Variants in GLIS1 observed in about 807,000 individuals in gnomAD.
GLIS1 encodes the protein zinc finger protein GLIS1.
A neutral mutation model predicts 63.8 loss-of-function variants in GLIS1; 24 were observed. The ratio of observed to expected loss-of-function variants is 0.38; its 90% confidence interval spans 0.27 to 0.53. GLIS1 has a LOEUF of 0.53. Ranked by LOEUF, GLIS1 falls within the 20% of genes least tolerant of loss-of-function variation. The probability of loss-of-function intolerance (pLI) is 0.85; values close to 1 mark genes in which losing one functional copy is unlikely to be tolerated. For missense variants in GLIS1, 1,036 were observed against 1,074.1 expected (o/e 0.96, Z 0.50); for synonymous variants, 450 against 482.5 (o/e 0.93, Z 0.88).
At chr1:53,605,743 C>T (rs949222759) in intron 2 of GLIS1, among the ~76,000 whole-genome samples, 3 of 152,168 alleles carry the variant, frequency 2.0e-5, no homozygotes, top group East Asian at 1.9e-4. Flanking sequence ...AACAGGGGCC[C>T]GGATTGAAGA....
At chr1:53,718,487 T>C (rs145928795) in intron 2 of GLIS1, among the ~76,000 whole-genome samples, 6 of 151,660 alleles carry the variant, frequency 4.0e-5, no homozygotes, top group Admixed American at 3.9e-4. Flanking sequence ...AAAAAAGAGG[T>C]CATATGTAAC....
intron 2 of GLIS1, among the ~76,000 whole-genome samples, chr1:53,699,633 A>C (rs950256691): frequency 1.3e-5 from 2 of 151,940 alleles, no homozygotes; most frequent in Non-Finnish European, 2.9e-5. Context: ...GGGATACTCA[A>C]CCTGTACCAT....
chr1:53,625,662 C>A (rs1645587039), intron 2 of GLIS1, among the ~76,000 whole-genome samples: 1 of 152,218 alleles, frequency 6.6e-6, no homozygotes, highest in Non-Finnish European at 1.5e-5. Flanking sequence ...CCTATTGTGT[C>A]TGGAGCCAGC....
chr1:53,728,977 C>A (rs1032671306), intron 2 of GLIS1, among the ~76,000 whole-genome samples: 3 of 152,226 alleles, frequency 2.0e-5, no homozygotes, highest in African/African-American at 7.2e-5. Flanking sequence ...GATGTCTCTA[C>A]AGATGTGTGT....
At chr1:53,708,171 T>C (rs1365415902) in intron 2 of GLIS1, among the ~76,000 whole-genome samples, 2 of 151,944 alleles carry the variant, frequency 1.3e-5, no homozygotes, top group Non-Finnish European at 2.9e-5. Flanking sequence ...TAGTCCCAGC[T>C]ACTCAGGAGG....
At chr1:53,550,481 C>G (rs1167376639) in intron 4 of GLIS1, among the ~76,000 whole-genome samples, 2 of 152,200 alleles carry the variant, frequency 1.3e-5, no homozygotes, top group Non-Finnish European at 2.9e-5. Context: ...CCTTTGACAT[C>G]TCCATTCTGG....
At chr1:53,664,005 A>G (rs963070331) in intron 2 of GLIS1, among the ~76,000 whole-genome samples, 3 of 152,140 alleles carry the variant, frequency 2.0e-5, no homozygotes, top group African/African-American at 4.8e-5. Flanking sequence ...CTCTTGCCCA[A>G]ATGATCTGGA....
intron 2 of GLIS1, among the ~76,000 whole-genome samples, chr1:53,690,564 C>T (rs1418264223): frequency 2.6e-5 from 4 of 152,380 alleles, no homozygotes; most frequent in Admixed American, 6.5e-5. Context: ...ACAAGCAGGA[C>T]GCTGTGGCGC....
At chr1:53,568,319 A>T (rs1410722889) in intron 4 of GLIS1, among the ~76,000 whole-genome samples, 1 of 152,196 alleles carries the variant, frequency 6.6e-6, no homozygotes, top group South Asian at 2.1e-4. Flanking sequence ...CAATGGGATA[A>T]TTTACCCAAT....
chr1:53,663,157 C>A (rs1183216923), intron 2 of GLIS1, among the ~76,000 whole-genome samples: 2 of 152,236 alleles, frequency 1.3e-5, no homozygotes, highest in Non-Finnish European at 2.9e-5. Context: ...CCCCCAGCAC[C>A]TCCCATCTCA....
chr1:53,711,953 G>A (rs924098435), intron 2 of GLIS1, among the ~76,000 whole-genome samples: 1 of 152,216 alleles, frequency 6.6e-6, no homozygotes, highest in Non-Finnish European at 1.5e-5. Flanking sequence ...GAGCCTGCGG[G>A]TCTGTGAGTC....
intron 5 of GLIS1, 78 bp from the exon 6 acceptor site, chr1:53,524,965 G>A (rs534672920): frequency 1.5e-5 from 16 of 1,090,256 alleles, no homozygotes; most frequent in South Asian, 8.2e-5. Flanking sequence ...CCTGCTGTGG[G>A]GAGGTGACCA....
chr1:53,529,809 C>G lies in GLIS1; in HGVS notation c.1464G>C (p.Gln488His). 6.2e-7 allele frequency: 1 copy of G among 1,612,726 alleles called. No individual in the cohort carries two copies. Among genetic ancestry groups the G allele is most frequent in the African/African-American group, 1.3e-5 (1 of 75,022 alleles). Residue 488 changes from glutamine to histidine, a missense_variant, in exon 5 of 11, where the codon CAG (glutamine) becomes CAC (histidine). Physicochemically the swap from Gln to His is conservative, Grantham distance 24. Transcript: ENST00000628545. The part of the protein sequence containing the change: ...FSNSSDRAKH[Q>H]RTHLDTKPYA... ...GGCCTACCGTGTCTAGGTGGGTGCGCTGGTGCTTGGCGCGGTCGCTGGAGT... is the reference window on the plus strand; with the variant it reads ...GGCCTACCGTGTCTAGGTGGGTGCGGTGGTGCTTGGCGCGGTCGCTGGAGT...
intron 2 of GLIS1, among the ~76,000 whole-genome samples, chr1:53,666,859 C>T (rs963892955): frequency 6.6e-5 from 10 of 152,174 alleles, no homozygotes; most frequent in Non-Finnish European, 1.3e-4. Flanking sequence ...AGTGATCTCA[C>T]CCCTCCCTCC....
At position 53,592,206 on chromosome 1, in the gene GLIS1, G is replaced by A. The variant is rs766563691; in HGVS notation, c.1320+1902C>T. On this transcript the variant is annotated intron_variant, in intron 4 of 10. Coordinates refer to ENST00000628545, the MANE Select transcript of GLIS1 (RefSeq NM_001367484.1). ...GTAACCCAGGCCCCTCTGACCCCTC[G>A]CTGGGCCCTGTTTCCCAAGCTAGAA... Among the ~76,000 whole-genome samples, 89 of 152,298 alleles carry A rather than the reference G, an allele frequency of 5.8e-4. 1 individual carries two copies. Among genetic ancestry groups the A allele is most frequent in the Middle Eastern group, 6.8e-3 (2 of 294 alleles).
chr1:53,537,614 C>A (rs184869724), intron 4 of GLIS1, among the ~76,000 whole-genome samples: 1 of 152,116 alleles, frequency 6.6e-6, no homozygotes, highest in African/African-American at 2.4e-5. Flanking sequence ...AAAGAATATG[C>A]CCAGTGTAGG....
chr1:53,712,992 T>C (rs998970467), intron 2 of GLIS1, among the ~76,000 whole-genome samples: 3 of 151,512 alleles, frequency 2.0e-5, no homozygotes, highest in South Asian at 2.1e-4. Flanking sequence ...CAAGGTAAGA[T>C]GCAGAGGGAA....
chr1:53,524,729 C>T (rs1266446883), intron 6 of GLIS1, 48 bp downstream of exon 6: 3 of 1,371,998 alleles, frequency 2.2e-6, no homozygotes, highest in Non-Finnish European at 3.1e-6. Context: ...TGATGCGGTG[C>T]AGGCGGCTGC....
chr1:53,585,267 T>C (rs1454216875), intron 4 of GLIS1, among the ~76,000 whole-genome samples: 1 of 152,008 alleles, frequency 6.6e-6, no homozygotes, highest in Admixed American at 6.6e-5. Flanking sequence ...GCATCTAATA[T>C]GCGCCAGGCA....
Sources: gnomAD v4.1 joint callset for allele counts (sites outside exome capture counted in the v4.1 genomes callset) on GRCh38, gnomAD v4.1.1 for gene constraint, MANE v1.5 for transcripts, NCBI Gene and HGNC (gene_info 2026-07-23, HGNC 2026-07-21) for gene names.